The following DAB1 variants were observed in gnomAD, a reference collection of about 807,000 sequenced individuals.
DAB1 encodes the protein disabled homolog 1.
Under a neutral mutation model 64.6 loss-of-function variants are expected in DAB1, and 15 were observed. That is an observed-to-expected ratio of 0.23 (90% CI 0.16 to 0.36). The LOEUF (loss-of-function observed/expected upper bound fraction) is 0.36, where lower values mean the gene tolerates loss of function less well. Ranked by LOEUF, DAB1 falls within the 10% of genes least tolerant of loss-of-function variation. The pLI, the probability that DAB1 is intolerant of heterozygous loss-of-function variation, is 1.00. For missense variants in DAB1, 596 were observed against 706.7 expected, an observed-to-expected ratio of 0.84 and a Z score of 1.78; for synonymous variants, 235 against 251.9, an observed-to-expected ratio of 0.93 and a Z score of 0.64.
chr1:58,032,990 G>A (rs1312956444), intron 5 of DAB1, among the ~76,000 whole-genome samples: 2 of 152,150 alleles, frequency 1.3e-5, no homozygotes. Context: ...ACAACTCCCT[G>A]AATTCACTCT....
chr1:58,049,344 G>A (rs1647468408), intron 5 of DAB1: 1 of 626,356 alleles, frequency 1.6e-6, no homozygotes. Context: ...GCATCCACGG[G>A]CAGAAAGGAG....
chr1:57,258,395 G>A (rs1326704688), intron 2 of DAB1, among the ~76,000 whole-genome samples: 1 of 152,064 alleles, frequency 6.6e-6, no homozygotes, highest in Non-Finnish European at 1.5e-5. Flanking sequence ...TCCCTGGGAT[G>A]GTTTTCCACC....
At chr1:57,996,758 T>A (rs1646431437) in intron 5 of DAB1, among the ~76,000 whole-genome samples, 1 of 152,224 alleles carries the variant, frequency 6.6e-6, no homozygotes. Flanking sequence ...GGACAAATTA[T>A]TTTTATAAGT....
At chr1:58,069,704 A>G (rs897920350) in intron 5 of DAB1, among the ~76,000 whole-genome samples, 3 of 152,174 alleles carry the variant, frequency 2.0e-5, no homozygotes, top group Admixed American at 1.3e-4. Context: ...TATCTTATGT[A>G]ATACATCCAT....
chr1:58,110,247 C>CA (rs1651896951), intron 5 of DAB1, among the ~76,000 whole-genome samples: 1 of 152,012 alleles, frequency 6.6e-6, no homozygotes, highest in South Asian at 2.1e-4. Flanking sequence ...CTAATATTTT[C>CA]AAAAAACAAA....
At chr1:57,852,969 A>G (rs1653599016) in intron 1 of DAB1, among the ~76,000 whole-genome samples, 1 of 152,116 alleles carries the variant, frequency 6.6e-6, no homozygotes, top group Non-Finnish European at 1.5e-5. Flanking sequence ...AATATTTTCT[A>G]CACTATACTA....
At chr1:58,295,396 C>T (rs1034562137) in intron 4 of DAB1, among the ~76,000 whole-genome samples, 1 of 152,108 alleles carries the variant, frequency 6.6e-6, no homozygotes, top group Non-Finnish European at 1.5e-5. Context: ...TAGATGTCCT[C>T]GTTCCATGGG....
chr1:57,452,166 C>CGCTT (rs367685387), intron 7 of DAB1, among the ~76,000 whole-genome samples: 8 of 75,010 alleles, frequency 1.1e-4, no homozygotes, highest in East Asian at 5.4e-4. Flanking sequence ...TGCACCCCCC[C>CGCTT]TTTTTTTTTT....
At chr1:58,517,040 A>G (rs1381099573) in intron 2 of DAB1, among the ~76,000 whole-genome samples, 1 of 152,200 alleles carries the variant, frequency 6.6e-6, no homozygotes, top group Non-Finnish European at 1.5e-5. Flanking sequence ...TCAAGGTCCA[A>G]AAAAAGGATA....
At chr1:58,144,653 C>G (rs1228269861) in intron 5 of DAB1, among the ~76,000 whole-genome samples, 3 of 152,152 alleles carry the variant, frequency 2.0e-5, no homozygotes, top group African/African-American at 7.2e-5. Flanking sequence ...ACATGTAAAC[C>G]CAAGCTCTGA....
chr1:57,661,927 G>A (rs1284945828), intron 6 of DAB1, among the ~76,000 whole-genome samples: 2 of 152,078 alleles, frequency 1.3e-5, no homozygotes, highest in Admixed American at 6.6e-5. Context: ...GAAAGGAATG[G>A]TCCTAGTGAG....
chr1:58,162,399 G>A (rs529023794), intron 4 of DAB1, among the ~76,000 whole-genome samples: 1 of 150,310 alleles, frequency 6.7e-6, no homozygotes, highest in Non-Finnish European at 1.5e-5. Flanking sequence ...CTTCCTTTCT[G>A]CCTTTCTTTT....
chr1:58,311,495 T>C (rs1351783155), intron 4 of DAB1, among the ~76,000 whole-genome samples: 1 of 152,108 alleles, frequency 6.6e-6, no homozygotes, highest in African/African-American at 2.4e-5. Flanking sequence ...GCTTTAGAGG[T>C]CTACCATTCC....
chr1:57,178,340 C>T (rs910479499), intron 2 of DAB1, among the ~76,000 whole-genome samples: 1 of 150,512 alleles, frequency 6.6e-6, no homozygotes, highest in Non-Finnish European at 1.5e-5. Context: ...ACTTCAAACC[C>T]AGATGTTATA....
At chr1:57,477,523 T>C (rs914005027) in intron 7 of DAB1, among the ~76,000 whole-genome samples, 1 of 152,142 alleles carries the variant, frequency 6.6e-6, no homozygotes, top group African/African-American at 2.4e-5. Context: ...TGAAATGCAG[T>C]CAGATATCAC....
At chr1:57,325,294 G>C (rs979129516) in intron 1 of DAB1, among the ~76,000 whole-genome samples, 1 of 152,180 alleles carries the variant, frequency 6.6e-6, no homozygotes, top group Non-Finnish European at 1.5e-5. Context: ...CTCTTAGCCC[G>C]AGTTAGCCTC....
At chr1:57,850,861 A>G (rs1653490294) in intron 1 of DAB1, among the ~76,000 whole-genome samples, 1 of 152,158 alleles carries the variant, frequency 6.6e-6, no homozygotes, top group Admixed American at 6.5e-5. Context: ...CTCTGATAAG[A>G]ATCTTTCCCC....
chr1:57,355,121 G>A (rs1678965270), intron 1 of DAB1, among the ~76,000 whole-genome samples: 1 of 151,944 alleles, frequency 6.6e-6, no homozygotes, highest in South Asian at 2.1e-4. Flanking sequence ...ATGTCTCTAA[G>A]ATACAATCTT....
intron 4 of DAB1, among the ~76,000 whole-genome samples, chr1:57,085,099 T>C (rs574657954): frequency 3.3e-5 from 5 of 152,346 alleles, no homozygotes; most frequent in Non-Finnish European, 7.4e-5. Flanking sequence ...AATAAATTCT[T>C]ACCCTCAGTT....
Sources: gnomAD v4.1 joint callset for allele counts (sites outside exome capture counted in the v4.1 genomes callset) on GRCh38, gnomAD v4.1.1 for gene constraint, MANE v1.5 for transcripts, NCBI Gene and HGNC (gene_info 2026-07-23, HGNC 2026-07-21) for gene names.